The following ERC1 variants were observed in gnomAD, a reference collection of about 807,000 sequenced individuals.
The protein encoded by ERC1 is RAB6 interacting protein 2.
ERC1 carries 56 observed loss-of-function variants against 132.0 expected under a neutral mutation model. The observed-to-expected ratio is 0.42, with a 90% CI of 0.34 to 0.53. ERC1 has a LOEUF of 0.53. Among genes scored for constraint, ERC1 ranks in the 20% least tolerant of loss-of-function variants. The probability of loss-of-function intolerance (pLI) is 0.03; values close to 1 mark genes in which losing one functional copy is unlikely to be tolerated. For synonymous variants in ERC1, 478 were observed against 476.1 expected (o/e 1.00, Z -0.05); for missense variants, 1,202 against 1,349.9 (o/e 0.89, Z 1.72).
At chr12:1,417,780 CAA>C (rs59219151) in intron 17 of ERC1, among the ~76,000 whole-genome samples, 4,110 of 83,618 alleles carry the variant, frequency 0.049, 193 homozygotes, top group African/African-American at 0.13. Context: ...GACTCCATCT[CAA>C]AAAAAAAAAA....
At chr12:1,154,827 A>G (rs934081789) in intron 8 of ERC1, among the ~76,000 whole-genome samples, 3 of 152,190 alleles carry the variant, frequency 2.0e-5, no homozygotes, top group Non-Finnish European at 4.4e-5. Flanking sequence ...ACTAATCATC[A>G]GGGAAATGCA....
At chr12:1,403,916 G>A (rs2091277146) in intron 16 of ERC1, among the ~76,000 whole-genome samples, 1 of 152,140 alleles carries the variant, frequency 6.6e-6, no homozygotes, top group African/African-American at 2.4e-5. Context: ...TGATACAGAT[G>A]TTTCGCTCAC....
At chr12:1,302,125 C>T (rs909849705) in intron 15 of ERC1, among the ~76,000 whole-genome samples, 2 of 152,174 alleles carry the variant, frequency 1.3e-5, no homozygotes, top group South Asian at 4.1e-4. Flanking sequence ...AATTTGAATT[C>T]AATATAAATA....
At chr12:1,098,834 A>G (rs1032060624) in intron 3 of ERC1, among the ~76,000 whole-genome samples, 10 of 152,206 alleles carry the variant, frequency 6.6e-5, no homozygotes, top group Admixed American at 6.5e-4. Flanking sequence ...GTTTAGATGG[A>G]AAAGAGAAAA....
intron 14 of ERC1, among the ~76,000 whole-genome samples, chr12:1,281,420 T>C (rs2078671070): frequency 6.6e-6 from 1 of 152,220 alleles, no homozygotes; most frequent in African/African-American, 2.4e-5. Context: ...TCATATTTCA[T>C]TTCCTAAATT....
At chr12:1,247,361 T>A (rs944147343) in intron 13 of ERC1, among the ~76,000 whole-genome samples, 2 of 152,228 alleles carry the variant, frequency 1.3e-5, no homozygotes, top group Admixed American at 6.5e-5. Context: ...TTTCCCAGTT[T>A]TGATCATCTT....
intron 18 of ERC1, among the ~76,000 whole-genome samples, chr12:1,466,834 C>G (rs2093752907): frequency 6.6e-6 from 1 of 152,156 alleles, no homozygotes; most frequent in South Asian, 2.1e-4. Flanking sequence ...TGAATGAAAT[C>G]AGGAATTTTC....
upstream of ERC1, chr12:991,187 A>C (rs540871744): frequency 2.6e-4 from 35 of 135,870 alleles, no homozygotes; most frequent in East Asian, 6.5e-3. Context: ...GGGCGGGGCT[A>C]GGTGTCTCGC....
chr12:1,292,590 A>T (rs1455102159), intron 15 of ERC1, among the ~76,000 whole-genome samples: 1 of 152,222 alleles, frequency 6.6e-6, no homozygotes, highest in African/African-American at 2.4e-5. Context: ...TTCTGGCCAA[A>T]AAAAGGTCTC....
intron 14 of ERC1, among the ~76,000 whole-genome samples, chr12:1,286,158 G>A (rs2079027757): frequency 6.6e-6 from 1 of 152,008 alleles, no homozygotes. Flanking sequence ...ACCAGACGTG[G>A]TGGTGCATAC....
intron 17 of ERC1, among the ~76,000 whole-genome samples, chr12:1,410,928 T>C (rs2091810204): frequency 6.6e-6 from 1 of 152,070 alleles, no homozygotes; most frequent in Non-Finnish European, 1.5e-5. Context: ...AAAACTGTAC[T>C]GTGAACTAAA....
chr12:1,337,633 G>A lies in ERC1; in HGVS notation c.2781-34200G>A, dbSNP rs113859855. ...CTTGTTTGTGTGGTTGCTTTATAGT[G>A]TCACTAGTGTGTTTACTTAAATGCG... On this transcript the variant is annotated intron_variant, in intron 15 of 18. Coordinates refer to ENST00000360905, the MANE Select transcript of ERC1 (RefSeq NM_178040.4). 7.8e-3 allele frequency among the ~76,000 whole-genome samples: 1,194 copies of A among 152,272 alleles called. 8 individuals carry two copies. Among genetic ancestry groups the A allele is most frequent in the African/African-American group, 0.025 (1,035 of 41,546 alleles).
At chr12:1,081,494 C>CT (rs1942190572) in intron 2 of ERC1, among the ~76,000 whole-genome samples, 1 of 152,120 alleles carries the variant, frequency 6.6e-6, no homozygotes, top group African/African-American at 2.4e-5. Context: ...TTGGAGTTTT[C>CT]TTTTTTTCTT....
At chr12:1,266,034 G>C (rs892147023) in intron 14 of ERC1, among the ~76,000 whole-genome samples, 7 of 152,164 alleles carry the variant, frequency 4.6e-5, no homozygotes, top group African/African-American at 1.7e-4. Flanking sequence ...CTTTGGTGTG[G>C]ATATAAGTTT....
chr12:1,493,724 G>A lies in ERC1; in HGVS notation c.*3494G>A, dbSNP rs139047555. 1.4e-3 allele frequency: 293 copies of A among 209,554 alleles called. 1 individual carries two copies. The highest frequency in any genetic ancestry group is 7.2e-3 in the East Asian group (101 of 14,072). The allele number at this position is 209,554 out of a possible 1,614,324, so 13.0% of individuals were successfully genotyped here. On this transcript the variant is annotated 3_prime_UTR_variant, in exon 19 of 19. Transcript: ENST00000360905. ...TGTAAAGCAGACTGGACCCAAGGCC[G>A]CCTTCAGTGTCAAGAAGGGCATTGT...
chr12:992,118 T>C (rs553766173), intron 1 of ERC1, among the ~76,000 whole-genome samples: 1 of 152,230 alleles, frequency 6.6e-6, no homozygotes, highest in Admixed American at 6.5e-5. Context: ...GCAGCCACCA[T>C]TTGGGTCGCA....
intron 8 of ERC1, among the ~76,000 whole-genome samples, chr12:1,159,133 G>A (rs746086251): frequency 3.3e-5 from 5 of 152,102 alleles, no homozygotes; most frequent in Non-Finnish European, 7.4e-5. Flanking sequence ...TTTCCTCTCA[G>A]GTAGCATGTA....
At chr12:1,187,723 A>G (rs950569044) in intron 11 of ERC1, among the ~76,000 whole-genome samples, 9 of 152,152 alleles carry the variant, frequency 5.9e-5, no homozygotes, top group South Asian at 2.1e-4. Context: ...CTGCTTTTGC[A>G]TATTCATTTT....
chr12:1,189,847 T>G lies in ERC1; in HGVS notation c.2158-12T>G. 1.3e-6 allele frequency: 2 copies of G among 1,583,936 alleles called. No homozygotes were observed. The highest frequency in any genetic ancestry group is 2.3e-5 in the South Asian group (2 of 87,628). On this transcript the variant is annotated splice_polypyrimidine_tract_variant and intron_variant, in intron 11 of 18. Coordinates refer to ENST00000360905, the MANE Select transcript of ERC1 (RefSeq NM_178040.4). Reference sequence around the variant, plus strand: ...TGTGTATCTGATAGGATTGAAATGCTTTTCTTTGTAGGCACATGAGGCAGC... The same window carrying G: ...TGTGTATCTGATAGGATTGAAATGCGTTTCTTTGTAGGCACATGAGGCAGC...
Sources: allele counts gnomAD v4.1 joint callset (sites outside exome capture counted in the v4.1 genomes callset), GRCh38; gene constraint gnomAD v4.1.1; transcripts MANE v1.5; gene names NCBI Gene and HGNC (gene_info 2026-07-23, HGNC 2026-07-21).